Variants in KIF26B observed in about 807,000 individuals in gnomAD.
The protein encoded by KIF26B is kinesin-like protein KIF26B.
Under a neutral mutation model 151.2 loss-of-function variants are expected in KIF26B, and 63 were observed. The ratio of observed to expected loss-of-function variants is 0.42; its 90% CI spans 0.34 to 0.51. The LOEUF (loss-of-function observed/expected upper bound fraction) is 0.51. Ranked by LOEUF, KIF26B falls within the 20% of genes least tolerant of loss-of-function variation. The pLI is 0.07. For synonymous variants in KIF26B, 1,357 were observed against 1,262.1 expected (o/e 1.08, Z -1.59); for missense variants, 2,813 against 2,913.6 (o/e 0.97, Z 0.79).
intron 2 of KIF26B, among the ~76,000 whole-genome samples, chr1:245,268,542 T>C (rs1164897482): frequency 6.6e-6 from 1 of 150,438 alleles, no homozygotes; most frequent in East Asian, 1.9e-4. Context: ...AAATTGGGAT[T>C]TTAGACCAAT....
chr1:245,168,084 G>C (rs1326570003), intron 2 of KIF26B, among the ~76,000 whole-genome samples: 1 of 152,204 alleles, frequency 6.6e-6, no homozygotes, highest in Non-Finnish European at 1.5e-5. Flanking sequence ...TGTAATCTAA[G>C]AGCATGGTAG....
At chr1:245,583,191 C>T (rs929341263) in intron 5 of KIF26B, among the ~76,000 whole-genome samples, 1 of 152,124 alleles carries the variant, frequency 6.6e-6, no homozygotes, top group African/African-American at 2.4e-5. Context: ...AGGGAAGATC[C>T]CGTTGCTGAA....
At chr1:245,674,874 C>A (rs1399637448) in intron 10 of KIF26B, among the ~76,000 whole-genome samples, 1 of 152,102 alleles carries the variant, frequency 6.6e-6, no homozygotes, top group East Asian at 1.9e-4. Context: ...CCAAGTCGGC[C>A]CAAGACTACT....
chr1:245,493,953 T>C (rs1558187723), intron 4 of KIF26B, among the ~76,000 whole-genome samples: 1 of 151,988 alleles, frequency 6.6e-6, no homozygotes, highest in Non-Finnish European at 1.5e-5. Flanking sequence ...TGCAAGAGAC[T>C]AAGCAAAAAA....
chr1:245,553,651 C>CA (rs146473392), intron 5 of KIF26B, among the ~76,000 whole-genome samples: 2,522 of 152,034 alleles, frequency 0.017, 87 homozygotes, highest in African/African-American at 0.057. Context: ...CCAAAAGAAA[C>CA]AAAAAAAGTC....
At chr1:245,413,213 A>G (rs911620339) in intron 3 of KIF26B, among the ~76,000 whole-genome samples, 6 of 152,230 alleles carry the variant, frequency 3.9e-5, no homozygotes, top group African/African-American at 1.4e-4. Context: ...AACGAAGATA[A>G]TGAGGCCTTT....
intron 2 of KIF26B, among the ~76,000 whole-genome samples, chr1:245,295,961 A>T (rs886261650): frequency 2.6e-5 from 4 of 152,146 alleles, no homozygotes; most frequent in African/African-American, 9.7e-5. Context: ...ACTTGAACTT[A>T]TGTGGACACT....
At chr1:245,355,394 A>T (rs1320090219) in intron 2 of KIF26B, among the ~76,000 whole-genome samples, 2 of 152,028 alleles carry the variant, frequency 1.3e-5, no homozygotes, top group African/African-American at 4.8e-5. Flanking sequence ...CAAAATCACC[A>T]TCTCCAGCCT....
At chr1:245,325,625 C>T (rs771536048) in intron 2 of KIF26B, among the ~76,000 whole-genome samples, 5 of 151,924 alleles carry the variant, frequency 3.3e-5, no homozygotes, top group East Asian at 1.9e-4. Flanking sequence ...GCAGGAGAAT[C>T]GCTTGAACCC....
intron 3 of KIF26B, among the ~76,000 whole-genome samples, chr1:245,405,427 T>TAATA (rs1674112408): frequency 6.6e-6 from 1 of 152,180 alleles, no homozygotes; most frequent in Non-Finnish European, 1.5e-5. Flanking sequence ...TGAGAGTGTT[T>TAATA]TTAGTTAATA....
At chr1:245,642,027 G>T (rs2043897288) in intron 9 of KIF26B, among the ~76,000 whole-genome samples, 1 of 152,186 alleles carries the variant, frequency 6.6e-6, no homozygotes, top group Admixed American at 6.5e-5. Context: ...CTCAGCATTA[G>T]AGGATACTCT....
intron 2 of KIF26B, among the ~76,000 whole-genome samples, chr1:245,340,139 C>T (rs1227626586): frequency 6.6e-6 from 1 of 152,212 alleles, no homozygotes; most frequent in Non-Finnish European, 1.5e-5. Context: ...GTACAATTGT[C>T]TCTGAGTATC....
chr1:245,500,965 T>C (rs1440316334), intron 4 of KIF26B, among the ~76,000 whole-genome samples: 1 of 152,212 alleles, frequency 6.6e-6, no homozygotes, highest in Non-Finnish European at 1.5e-5. Context: ...AGGAATCTTT[T>C]CATGCAGGCT....
intron 9 of KIF26B, among the ~76,000 whole-genome samples, chr1:245,626,651 T>G (rs114787771): frequency 0.018 from 2,755 of 152,310 alleles, 36 homozygotes; most frequent in South Asian, 0.054. Flanking sequence ...ATGAACAGCT[T>G]GCAAATATTT....
chr1:245,219,124 C>CCT (rs1201026401), intron 2 of KIF26B, among the ~76,000 whole-genome samples: 1 of 121,680 alleles, frequency 8.2e-6, no homozygotes, highest in African/African-American at 3.5e-5. Context: ...CAAATACCTA[C>CCT]CTCTTTTTTT....
intron 2 of KIF26B, among the ~76,000 whole-genome samples, chr1:245,344,198 T>C (rs75214385): frequency 0.035 from 5,349 of 151,626 alleles, 100 homozygotes; most frequent in Non-Finnish European, 0.041. Flanking sequence ...TTCTTTCCTT[T>C]TCTTTTTTCT....
rs1290541549 is a variant in KIF26B at position 245,516,282 on chromosome 1, C to G, written c.1167-24485C>G. Reference sequence around the variant, plus strand: ...TTCCATGGTGTTAGAGTCTGTTTTTCCTTCAGAAAATGCTATTTGCAGAAC... The same window carrying G: ...TTCCATGGTGTTAGAGTCTGTTTTTGCTTCAGAAAATGCTATTTGCAGAAC... On this transcript the variant is annotated intron_variant, in intron 4 of 14. Coordinates refer to ENST00000407071, the MANE Select transcript of KIF26B (RefSeq NM_018012.4). This position sits in a 1 kb window ranked among gnomAD's most constrained non-coding sequence, Gnocchi z 4.2. 2.6e-5 allele frequency among the ~76,000 whole-genome samples: 4 copies of G among 152,128 alleles called. No homozygotes were observed. The highest frequency in any genetic ancestry group is 9.7e-5 in the African/African-American group (4 of 41,418).
chr1:245,686,555 C>A lies in KIF26B; in HGVS notation c.3572C>A (p.Thr1191Lys). Residue 1191 changes from threonine to lysine, a missense_variant, in exon 12 of 15, where the codon ACG becomes AAG. By Grantham distance (78) the Thr-to-Lys change is moderately conservative. Transcript: ENST00000407071. The surrounding 1 kb of genome is among the most constrained non-coding windows in gnomAD (Gnocchi z 5.6). ...AACGGTGAGGACGAGCTGGTGTTCA[C>A]GCTGGTGGAGGAGCTGACCATCAGC... Reference protein sequence around the residue: ...ELNGEDELVFTLVEELTISGV... With the variant: ...ELNGEDELVFKLVEELTISGV... The A allele has an allele frequency of 6.2e-7, 1 of 1,613,054 alleles. No homozygotes were observed. The highest frequency in any genetic ancestry group is 1.7e-5 in the Admixed American group (1 of 60,010).
At chr1:245,403,140 T>A (rs1230326764) in intron 3 of KIF26B, among the ~76,000 whole-genome samples, 3 of 151,800 alleles carry the variant, frequency 2.0e-5, no homozygotes, top group Admixed American at 6.6e-5. Flanking sequence ...GGCTAATTTT[T>A]AAAAAAATTT....
Sources: gnomAD v4.1 joint callset for allele counts (sites outside exome capture counted in the v4.1 genomes callset) on GRCh38, gnomAD v4.1.1 for gene constraint, Gnocchi (gnomAD v3.1) non-coding constraint, MANE v1.5 for transcripts, NCBI Gene and HGNC (gene_info 2026-07-23, HGNC 2026-07-21) for gene names.